PLPPR1: variants seen among roughly 807,000 people sequenced by gnomAD.
PLPPR1 encodes phospholipid phosphatase-related protein type 1.
PLPPR1 carries 10 observed loss-of-function variants against 33.1 expected under a neutral mutation model. The observed-to-expected ratio is 0.30, with a 90% CI of 0.19 to 0.51. PLPPR1 has a LOEUF of 0.51. PLPPR1 is among the 20% of genes least tolerant of loss of function. The pLI is 0.97. For missense variants in PLPPR1, 304 were observed against 408.1 expected (o/e 0.74, Z 2.20); for synonymous variants, 151 against 151.0 (o/e 1.00, Z 0.00).
At chr9:101,158,591 C>A (rs1831729566) in intron 1 of PLPPR1, among the ~76,000 whole-genome samples, 1 of 152,222 alleles carries the variant, frequency 6.6e-6, no homozygotes, top group Non-Finnish European at 1.5e-5. Context: ...GTCGCTGGAA[C>A]TTAACTCAGT....
intron 2 of PLPPR1, among the ~76,000 whole-genome samples, chr9:101,209,238 T>TA (rs768598065): frequency 4.5e-4 from 69 of 152,234 alleles, no homozygotes; most frequent in Non-Finnish European, 8.7e-4. Context: ...GTGTTCCATT[T>TA]ACAGAAACTA....
chr9:101,270,823 G>A (rs1828084202), intron 3 of PLPPR1, among the ~76,000 whole-genome samples: 1 of 152,062 alleles, frequency 6.6e-6, no homozygotes, highest in South Asian at 2.1e-4. Flanking sequence ...TATGCCATAA[G>A]GTCAGATTAG....
intron 2 of PLPPR1, among the ~76,000 whole-genome samples, chr9:101,226,088 T>A (rs1161628864): frequency 6.6e-6 from 1 of 152,154 alleles, no homozygotes; most frequent in Non-Finnish European, 1.5e-5. Flanking sequence ...CACTTTTCAA[T>A]CTAATTTCCT....
intron 2 of PLPPR1, among the ~76,000 whole-genome samples, chr9:101,261,473 G>A (rs1412010892): frequency 6.6e-6 from 1 of 152,084 alleles, no homozygotes; most frequent in East Asian, 1.9e-4. Context: ...TAAAGAAGAG[G>A]GGATGAATTC....
intron 1 of PLPPR1, among the ~76,000 whole-genome samples, chr9:101,069,498 T>G (rs1830458627): frequency 6.6e-6 from 1 of 152,096 alleles, no homozygotes; most frequent in South Asian, 2.1e-4. Context: ...AGTGATACGT[T>G]TCTGAGTTAG....
At chr9:101,211,704 T>C (rs1472081366) in intron 2 of PLPPR1, among the ~76,000 whole-genome samples, 2 of 152,222 alleles carry the variant, frequency 1.3e-5, no homozygotes, top group African/African-American at 2.4e-5. Flanking sequence ...TTATTATTAA[T>C]GGGCTCATAT....
chr9:101,167,059 A>G (rs1335729295), intron 1 of PLPPR1, among the ~76,000 whole-genome samples: 1 of 147,564 alleles, frequency 6.8e-6, no homozygotes, highest in Non-Finnish European at 1.5e-5. Context: ...AAAAAAAAAA[A>G]AAACACTGTT....
chr9:101,257,619 G>A (rs528867583), intron 2 of PLPPR1, among the ~76,000 whole-genome samples: 1 of 152,250 alleles, frequency 6.6e-6, no homozygotes, highest in Non-Finnish European at 1.5e-5. Flanking sequence ...CTAAGCCAAT[G>A]TCCATCCACT....
intron 2 of PLPPR1, among the ~76,000 whole-genome samples, chr9:101,269,365 A>G (rs921865521): frequency 8.5e-5 from 13 of 152,340 alleles, no homozygotes; most frequent in South Asian, 2.1e-4. Flanking sequence ...CCCTTAACCC[A>G]TCTAGGATTT....
chr9:101,156,531 A>G (rs1257602274), intron 1 of PLPPR1, among the ~76,000 whole-genome samples: 2 of 135,186 alleles, frequency 1.5e-5, no homozygotes, highest in East Asian at 4.7e-4. Context: ...AGCCTGGGTG[A>G]TGGGAGTCAA....
chr9:101,280,305 C>T (rs530560345), intron 3 of PLPPR1, among the ~76,000 whole-genome samples: 17 of 152,204 alleles, frequency 1.1e-4, no homozygotes, highest in Admixed American at 3.3e-4. Flanking sequence ...AAAAGCTTCT[C>T]AGCAAAGAAA....
intron 1 of PLPPR1, among the ~76,000 whole-genome samples, chr9:101,161,820 G>A (rs950717849): frequency 7.9e-5 from 12 of 152,064 alleles, no homozygotes; most frequent in Non-Finnish European, 1.5e-4. Flanking sequence ...ACTTGGACTA[G>A]ATTCATGGGA....
intron 2 of PLPPR1, among the ~76,000 whole-genome samples, chr9:101,246,022 T>C (rs1181265822): frequency 6.9e-6 from 1 of 144,276 alleles, no homozygotes; most frequent in Non-Finnish European, 1.5e-5. Flanking sequence ...TACTTGACCA[T>C]AATCTCCCAT....
At chr9:101,161,157 T>C (rs1831767754) in intron 1 of PLPPR1, among the ~76,000 whole-genome samples, 1 of 152,206 alleles carries the variant, frequency 6.6e-6, no homozygotes, top group Non-Finnish European at 1.5e-5. Context: ...CTGAGCTGAC[T>C]ACAAATGGAA....
intron 2 of PLPPR1, among the ~76,000 whole-genome samples, chr9:101,207,098 T>C (rs1309203707): frequency 6.6e-6 from 1 of 152,234 alleles, no homozygotes; most frequent in African/African-American, 2.4e-5. Context: ...ATTATCTTAA[T>C]TTTTATTTGC....
intron 1 of PLPPR1, among the ~76,000 whole-genome samples, chr9:101,143,385 C>T (rs572996983): frequency 6.6e-6 from 1 of 152,040 alleles, no homozygotes; most frequent in Non-Finnish European, 1.5e-5. Context: ...TATATCGAAG[C>T]CCTAACACTT....
intron 4 of PLPPR1, among the ~76,000 whole-genome samples, chr9:101,307,573 TA>T (rs1828879255): frequency 6.6e-6 from 1 of 152,140 alleles, no homozygotes; most frequent in Admixed American, 6.5e-5. Flanking sequence ...AGCAGAAGCT[TA>T]AGAGCTAGTT....
At chr9:101,062,337 T>G (rs1274662853) in intron 1 of PLPPR1, among the ~76,000 whole-genome samples, 1 of 152,108 alleles carries the variant, frequency 6.6e-6, no homozygotes, top group Non-Finnish European at 1.5e-5. Flanking sequence ...AATACATGTT[T>G]TCTTTTCAAA....
chr9:101,204,920 T>C (rs1220846788), intron 2 of PLPPR1, among the ~76,000 whole-genome samples: 1 of 151,988 alleles, frequency 6.6e-6, no homozygotes, highest in East Asian at 1.9e-4. Context: ...TTTGTGTATA[T>C]GGTGTGGACG....
Sources: allele counts gnomAD v4.1 joint callset (sites outside exome capture counted in the v4.1 genomes callset), GRCh38; gene constraint gnomAD v4.1.1; transcripts MANE v1.5; gene names NCBI Gene and HGNC (gene_info 2026-07-23, HGNC 2026-07-21).